Variants in EVC2 observed in about 807,000 individuals in gnomAD.
EVC2 encodes limbin.
In EVC2, 148 loss-of-function variants were observed where a neutral mutation model predicts 149.3. The observed-to-expected ratio is 0.99, with a 90% CI of 0.87 to 1.14. EVC2 has a LOEUF of 1.14. EVC2 is among the 50% of genes most tolerant of loss of function. EVC2 has a pLI of 0.00. For missense variants in EVC2, 1,854 were observed against 1,627.3 expected (o/e 1.14, Z -2.40); for synonymous variants, 776 against 649.9 (o/e 1.19, Z -2.95).
intron 16 of EVC2, among the ~76,000 whole-genome samples, chr4:5,606,110 C>G (rs1435019728): frequency 6.6e-6 from 1 of 152,196 alleles, no homozygotes; most frequent in Non-Finnish European, 1.5e-5. Context: ...GTACTCCCCA[C>G]CAAATATTCT....
At chr4:5,570,785 A>G (rs1156806796) in intron 19 of EVC2, among the ~76,000 whole-genome samples, 2 of 152,360 alleles carry the variant, frequency 1.3e-5, no homozygotes, top group East Asian at 1.9e-4. Flanking sequence ...AAAATGTGGT[A>G]TATATACACC....
intron 16 of EVC2, among the ~76,000 whole-genome samples, chr4:5,599,540 GA>G (rs1713786279): frequency 6.6e-6 from 1 of 152,134 alleles, no homozygotes; most frequent in African/African-American, 2.4e-5. Context: ...ATGGACACAG[GA>G]AGGGGAACAT....
downstream of EVC2, among the ~76,000 whole-genome samples, chr4:5,559,320 T>C (rs1721895777): frequency 6.6e-6 from 1 of 152,186 alleles, no homozygotes; most frequent in Admixed American, 6.5e-5. The surrounding 1 kb of genome is among the most constrained non-coding windows in gnomAD (Gnocchi z 5.0). Context: ...ACACAGATTA[T>C]TACATTGAAA....
At chr4:5,529,713 G>T in the EVC2 span, among the ~76,000 whole-genome samples, 1 of 151,614 alleles carries the variant, frequency 6.6e-6, no homozygotes, top group South Asian at 2.1e-4. The surrounding 1 kb of genome is among the most constrained non-coding windows in gnomAD (Gnocchi z 4.5). Context: ...CTATGTTTTT[G>T]AATAAAAAAT....
the EVC2 span, among the ~76,000 whole-genome samples, chr4:5,535,937 A>G: frequency 1.3e-5 from 2 of 152,072 alleles, no homozygotes; most frequent in African/African-American, 4.8e-5. This position sits in a 1 kb window ranked among gnomAD's most constrained non-coding sequence, Gnocchi z 4.7. Flanking sequence ...TCTCCTACAC[A>G]GTGCCTGGCA....
At chr4:5,599,754 G>T (rs918717015) in intron 16 of EVC2, among the ~76,000 whole-genome samples, 1 of 152,172 alleles carries the variant, frequency 6.6e-6, no homozygotes, top group South Asian at 2.1e-4. Context: ...CCATTCTAGC[G>T]GCTGGTCCTG....
At chr4:5,541,141 G>T (rs907116477), downstream of EVC2, among the ~76,000 whole-genome samples, 1 of 152,292 alleles carries the variant, frequency 6.6e-6, no homozygotes, top group Non-Finnish European at 1.5e-5. Context: ...ACTTTTTAAG[G>T]GAGGAATCAG....
At position 5,637,716 on chromosome 4, in the gene EVC2, C is replaced by G. The variant is rs1437555992; in HGVS notation, c.1470+2798G>C. On this transcript the variant is annotated intron_variant, in intron 10 of 21. Transcript: ENST00000344408. This position sits in a 1 kb window ranked among gnomAD's most constrained non-coding sequence, Gnocchi z 4.4. ...AGGTGTGAAGGCTGCCTGAGCCATC[C>G]CTGTATCTCCAGGGTTAGGTATACA... Among the ~76,000 whole-genome samples the G allele has an allele frequency of 1.3e-5, 2 of 151,972 alleles. No homozygotes were observed. Among genetic ancestry groups the G allele is most frequent in the African/African-American group, 4.8e-5 (2 of 41,372 alleles).
intron 21 of EVC2, among the ~76,000 whole-genome samples, chr4:5,550,785 T>C (rs972020805): frequency 2.0e-5 from 3 of 152,228 alleles, no homozygotes; most frequent in African/African-American, 7.2e-5. Context: ...AAAAGTGGTT[T>C]TGTGGGCCTG....
At chr4:5,603,152 T>G (rs1306727133) in intron 16 of EVC2, among the ~76,000 whole-genome samples, 2 of 152,212 alleles carry the variant, frequency 1.3e-5, no homozygotes, top group African/African-American at 4.8e-5. Context: ...CCTTTTGGCA[T>G]GTGAAAGGTC....
intron 2 of EVC2, among the ~76,000 whole-genome samples, chr4:5,695,104 C>A (rs1721384820): frequency 6.6e-6 from 1 of 151,958 alleles, no homozygotes; most frequent in Non-Finnish European, 1.5e-5. Flanking sequence ...AATCCTAGCA[C>A]TTTGGGAGGC....
At chr4:5,531,870 G>A in the EVC2 span, among the ~76,000 whole-genome samples, 11 of 152,162 alleles carry the variant, frequency 7.2e-5, 1 homozygote, top group Middle Eastern at 3.4e-3. Flanking sequence ...GCCAGTTCAT[G>A]GAAAAATTGT....
At position 5,562,952 on chromosome 4, in the gene EVC2, A is replaced by G. The variant is rs1371675819; in HGVS notation, c.3823T>C (p.Phe1275Leu). 6.2e-6 allele frequency: 10 copies of G among 1,613,962 alleles called. No individual in the cohort carries two copies. The Admixed American group carries it at 1.3e-4, about 22-fold the overall frequency. The change falls in exon 22 of 22, where the codon TTC becomes CTC. Residue 1275 changes from phenylalanine to leucine, a missense_variant. Transcript: ENST00000344408. The surrounding 1 kb of genome is among the most constrained non-coding windows in gnomAD (Gnocchi z 4.3). ...LLNTGEKLFI[F>L]RNPKEPEISL... The stretch of plus-strand genomic sequence containing the variant: ...ATCTCTGGCTCCTTTGGATTTCTGA[A>G]TATAAAGAGCTTCTCTCCTGTGTTT...
At chr4:5,663,545 T>A (rs1448018888) in intron 8 of EVC2, among the ~76,000 whole-genome samples, 1 of 152,240 alleles carries the variant, frequency 6.6e-6, no homozygotes, top group Non-Finnish European at 1.5e-5. Flanking sequence ...ACTATCATCA[T>A]CTTTATCATT....
intron 7 of EVC2, among the ~76,000 whole-genome samples, chr4:5,669,164 T>C (rs540185065): frequency 9.2e-5 from 14 of 152,224 alleles, no homozygotes; most frequent in Non-Finnish European, 1.9e-4. Context: ...TGGCCCTGCC[T>C]GCCTACACCT....
intron 8 of EVC2, 92 bp downstream of exon 8, chr4:5,665,423 G>C (rs1183670592): frequency 6.3e-7 from 1 of 1,593,888 alleles, no homozygotes; most frequent in South Asian, 1.1e-5. Flanking sequence ...CAGCAATGCT[G>C]ATGGGGATCC....
chr4:5,656,143 A>G lies in EVC2; in HGVS notation c.1145+6964T>C, dbSNP rs548187277. ...ACCAAATGGTCCACAAACAGCCAGG[A>G]AGCACCAGAGGATGTCCTGGCCTTG... On this transcript the variant is annotated intron_variant, in intron 9 of 21. Transcript: ENST00000344408. Among the ~76,000 whole-genome samples the G allele has an allele frequency of 1.0e-3, 155 of 152,298 alleles. 1 individual carries two copies. The South Asian group carries it at 0.031, about 31-fold the overall frequency.
chr4:5,572,900 G>A (rs1722718042), intron 19 of EVC2, among the ~76,000 whole-genome samples: 2 of 152,178 alleles, frequency 1.3e-5, no homozygotes, highest in African/African-American at 4.8e-5. Flanking sequence ...CGGTCAGGAA[G>A]AGCAGAGTAT....
chr4:5,530,499 T>C, the EVC2 span, among the ~76,000 whole-genome samples: 1 of 151,206 alleles, frequency 6.6e-6, no homozygotes, highest in East Asian at 2.1e-4. Flanking sequence ...CAAACTAACA[T>C]ATGAATCTCC....
Sources: allele counts gnomAD v4.1 joint callset (sites outside exome capture counted in the v4.1 genomes callset), GRCh38; gene constraint gnomAD v4.1.1; non-coding constraint Gnocchi (gnomAD v3.1); transcripts MANE v1.5; gene names NCBI Gene and HGNC (gene_info 2026-07-23, HGNC 2026-07-21).